The following CCDC171 variants were observed in gnomAD, a reference collection of about 807,000 sequenced individuals.
The protein encoded by CCDC171 is coiled-coil domain containing 171, also known as coiled-coil domain-containing protein 171.
CCDC171 carries 177 observed loss-of-function variants against 168.2 expected under a neutral mutation model. The ratio of observed to expected loss-of-function variants is 1.05; its 90% CI spans 0.93 to 1.19. The LOEUF (loss-of-function observed/expected upper bound fraction) is 1.19, where lower values mean the gene tolerates loss of function less well. Ranked by LOEUF, CCDC171 falls within the 50% of genes most tolerant of loss-of-function variation. The pLI is 0.00. For missense variants in CCDC171, 1,991 were observed against 1,539.0 expected, an observed-to-expected ratio of 1.29 and a Z score of -4.91; for synonymous variants, 687 against 540.8, an observed-to-expected ratio of 1.27 and a Z score of -3.75.
rs756991077 is a variant in CCDC171 at position 15,678,886 on chromosome 9, A to T, written c.1205A>T (p.Glu402Val). ...NEKSCSELQEELVMAKKHQAF... is the reference protein window; with the variant it reads ...NEKSCSELQEVLVMAKKHQAF... ...AAAAGTTGCAGTGAATTACAGGAAGAACTAGTAATGGTAAGGATAAAAAAG... is the reference window on the plus strand; with the variant it reads ...AAAAGTTGCAGTGAATTACAGGAAGTACTAGTAATGGTAAGGATAAAAAAG... The change falls in exon 10 of 26, where the codon GAA (glutamate) becomes GTA (valine). Residue 402 changes from glutamate to valine, a missense_variant. Coordinates refer to ENST00000380701, the MANE Select transcript of CCDC171 (RefSeq NM_173550.4). 6.3e-7 allele frequency: 1 copy of T among 1,583,924 alleles called. No homozygotes were observed. The highest frequency in any genetic ancestry group is 1.2e-5 in the South Asian group (1 of 83,550).
chr9:16,062,464 T>TG (rs890569466), downstream of CCDC171, among the ~76,000 whole-genome samples: 46 of 152,304 alleles, frequency 3.0e-4, no homozygotes, highest in African/African-American at 1.1e-3. Context: ...GTTTATTACC[T>TG]GGGTGACCAA....
chr9:15,874,012 C>G (rs2131223697), intron 23 of CCDC171, among the ~76,000 whole-genome samples: 1 of 152,168 alleles, frequency 6.6e-6, no homozygotes, highest in East Asian at 1.9e-4. Context: ...AAACAAACCT[C>G]TTTCTTGTAT....
chr9:15,674,556 T>C (rs1310890954), intron 9 of CCDC171, among the ~76,000 whole-genome samples: 2 of 152,226 alleles, frequency 1.3e-5, no homozygotes, highest in Non-Finnish European at 2.9e-5. Context: ...TCTGGTATGT[T>C]GTGTCTTTGT....
At chr9:15,604,248 T>G (rs2043067172) in intron 6 of CCDC171, among the ~76,000 whole-genome samples, 1 of 152,094 alleles carries the variant, frequency 6.6e-6, no homozygotes, top group African/African-American at 2.4e-5. Context: ...AGCTCTTAAG[T>G]TTTTAATTAG....
At chr9:15,563,131 A>C (rs990756134) in intron 1 of CCDC171, among the ~76,000 whole-genome samples, 2 of 151,104 alleles carry the variant, frequency 1.3e-5, no homozygotes, top group African/African-American at 4.9e-5. Flanking sequence ...GACTTTTTCA[A>C]GTTACTTCTT....
At chr9:15,963,115 G>C (rs1198550543) in intron 25 of CCDC171, among the ~76,000 whole-genome samples, 4 of 151,988 alleles carry the variant, frequency 2.6e-5, no homozygotes, top group African/African-American at 9.7e-5. Flanking sequence ...CTCACTCATA[G>C]GTGGGAATTG....
intron 7 of CCDC171, among the ~76,000 whole-genome samples, chr9:15,634,066 C>G: frequency 6.6e-6 from 1 of 152,090 alleles, no homozygotes. Flanking sequence ...AGGAGATACA[C>G]CTAATGCTAA....
At chr9:15,588,379 G>T (rs2041731603) in intron 4 of CCDC171, 2 of 255,812 alleles carry the variant, frequency 7.8e-6, no homozygotes, top group South Asian at 4.9e-5. Context: ...GCCTGAAGGG[G>T]ATGCTACAGG....
intron 25 of CCDC171, among the ~76,000 whole-genome samples, chr9:15,957,381 G>A (rs959421052): frequency 4.6e-5 from 7 of 152,116 alleles, no homozygotes; most frequent in African/African-American, 7.2e-5. Flanking sequence ...CAAAGTTCCC[G>A]CAGACTGGAA....
At chr9:15,980,919 C>G (rs1418328697) in intron 3 of CCDC171, among the ~76,000 whole-genome samples, 1 of 151,720 alleles carries the variant, frequency 6.6e-6, no homozygotes, top group Non-Finnish European at 1.5e-5. Context: ...TTAACTGAAC[C>G]TACAGTTCCA....
chr9:15,572,967 T>A (rs2040351457), intron 3 of CCDC171, among the ~76,000 whole-genome samples: 1 of 152,182 alleles, frequency 6.6e-6, no homozygotes, highest in Non-Finnish European at 1.5e-5. Context: ...GAGATCAGCC[T>A]GGCCAACATG....
chr9:16,099,309 T>C, the CCDC171 span, among the ~76,000 whole-genome samples: 1 of 152,192 alleles, frequency 6.6e-6, no homozygotes, highest in Non-Finnish European at 1.5e-5. Flanking sequence ...CTGCTAAGTT[T>C]CATTTCACAA....
intron 25 of CCDC171, among the ~76,000 whole-genome samples, chr9:15,940,903 C>T (rs747309177): frequency 5.3e-5 from 8 of 151,888 alleles, no homozygotes; most frequent in Non-Finnish European, 1.0e-4. Flanking sequence ...TAATCTTTGC[C>T]CTGCCAACAT....
chr9:15,718,526 C>T (rs1389858943), intron 11 of CCDC171, among the ~76,000 whole-genome samples: 1 of 152,228 alleles, frequency 6.6e-6, no homozygotes. Flanking sequence ...GGGTGATACT[C>T]AGTGCTGTGC....
chr9:15,681,846 G>A (rs1004493135), intron 10 of CCDC171, among the ~76,000 whole-genome samples: 2 of 151,916 alleles, frequency 1.3e-5, no homozygotes, highest in Non-Finnish European at 2.9e-5. Flanking sequence ...TTATGAGGAA[G>A]ATTTTCCCTT....
chr9:15,556,356 A>G (rs1004469860), intron 1 of CCDC171, among the ~76,000 whole-genome samples: 2 of 152,170 alleles, frequency 1.3e-5, no homozygotes, highest in Admixed American at 6.5e-5. Context: ...AGTCCCACCA[A>G]CGGTGTAAAA....
At chr9:16,077,218 G>C in the CCDC171 span, among the ~76,000 whole-genome samples, 2 of 152,172 alleles carry the variant, frequency 1.3e-5, no homozygotes, top group Admixed American at 6.5e-5. Flanking sequence ...GGGAGGAAAA[G>C]AGAAGGTTAG....
chr9:15,584,754 G>A (rs1357422838), intron 4 of CCDC171, among the ~76,000 whole-genome samples: 1 of 152,082 alleles, frequency 6.6e-6, no homozygotes, highest in African/African-American at 2.4e-5. Context: ...CACCATAATT[G>A]GGGGTATTGT....
intron 11 of CCDC171, among the ~76,000 whole-genome samples, chr9:15,718,405 A>G (rs944467496): frequency 1.3e-5 from 2 of 152,230 alleles, no homozygotes; most frequent in African/African-American, 4.8e-5. Context: ...GGAGCTTGCC[A>G]TCTTGAGGAG....
Sources: gnomAD v4.1 joint callset for allele counts (sites outside exome capture counted in the v4.1 genomes callset) on GRCh38, gnomAD v4.1.1 for gene constraint, MANE v1.5 for transcripts, NCBI Gene and HGNC (gene_info 2026-07-23, HGNC 2026-07-21) for gene names.